Variants in LOC128462377 observed in about 807,000 individuals in gnomAD.
chr16:89,340,813 A>T, the LOC128462377 span, among the ~76,000 whole-genome samples: 1 of 152,238 alleles, frequency 6.6e-6, no homozygotes, highest in Non-Finnish European at 1.5e-5. Context: ...CACACAGAAA[A>T]TGTACAGGTA....
the LOC128462377 span, among the ~76,000 whole-genome samples, chr16:89,376,424 G>A: frequency 6.6e-6 from 1 of 152,308 alleles, no homozygotes; most frequent in Admixed American, 6.5e-5. Flanking sequence ...AAAAGGACAT[G>A]TGCCTGAACA....
the LOC128462377 span, among the ~76,000 whole-genome samples, chr16:89,334,140 G>GTC: frequency 0.014 from 393 of 27,416 alleles, 15 homozygotes; most frequent in African/African-American, 0.075. Context: ...GAAACCCTGT[G>GTC]TTTTAAAAAA....
the LOC128462377 span, among the ~76,000 whole-genome samples, chr16:89,331,659 C>T: frequency 8.5e-5 from 13 of 152,260 alleles, no homozygotes; most frequent in South Asian, 1.9e-3. Flanking sequence ...TCTCCTCTGT[C>T]GCCCAGGCTG....
the LOC128462377 span, among the ~76,000 whole-genome samples, chr16:89,358,556 C>T: frequency 6.6e-6 from 1 of 152,182 alleles, no homozygotes; most frequent in Non-Finnish European, 1.5e-5. Flanking sequence ...ATCAAAACAT[C>T]TCATGGACCC....
At chr16:89,410,178 G>C in the LOC128462377 span, among the ~76,000 whole-genome samples, 8 of 152,150 alleles carry the variant, frequency 5.3e-5, no homozygotes, top group Admixed American at 5.2e-4. Context: ...TTCAGCTACA[G>C]GGCAGAATTT....
At chr16:89,367,343 C>T in the LOC128462377 span, among the ~76,000 whole-genome samples, 1 of 152,242 alleles carries the variant, frequency 6.6e-6, no homozygotes, top group Non-Finnish European at 1.5e-5. Flanking sequence ...ACAGTGGCGG[C>T]GCCCAGAGCG....
chr16:89,318,147 G>T, the LOC128462377 span, among the ~76,000 whole-genome samples: 76,646 of 152,024 alleles, frequency 0.5, 20,018 homozygotes, highest in Middle Eastern at 0.67. Context: ...GACACACGGT[G>T]CGAGCGCACT....
the LOC128462377 span, among the ~76,000 whole-genome samples, chr16:89,322,941 T>C: frequency 2.4e-4 from 36 of 152,344 alleles, no homozygotes; most frequent in Non-Finnish European, 3.7e-4. Flanking sequence ...CCTCCTGGGC[T>C]CAAGCTATCC....
chr16:89,398,887 C>A, the LOC128462377 span, among the ~76,000 whole-genome samples: 1 of 152,198 alleles, frequency 6.6e-6, no homozygotes, highest in African/African-American at 2.4e-5. Context: ...GCACATGGCT[C>A]AGCTGGCTGT....
the LOC128462377 span, among the ~76,000 whole-genome samples, chr16:89,326,616 C>A: frequency 1.3e-5 from 2 of 152,220 alleles, no homozygotes; most frequent in Admixed American, 6.5e-5. Flanking sequence ...GTGGCACGCA[C>A]CTGTAATCCC....
chr16:89,323,899 G>T, the LOC128462377 span: 12 of 218,098 alleles, frequency 5.5e-5, no homozygotes, highest in Middle Eastern at 1.8e-3. Context: ...GCCAAGGCCA[G>T]GCAGGCACCA....
the LOC128462377 span, among the ~76,000 whole-genome samples, chr16:89,390,942 C>A: frequency 0.56 from 84,811 of 151,986 alleles, 23,767 homozygotes; most frequent in Middle Eastern, 0.72. Flanking sequence ...AAAATTATTG[C>A]ACCAGGCTGG....
the LOC128462377 span, chr16:89,373,073 T>G: frequency 2.0e-5 from 3 of 152,216 alleles, no homozygotes; most frequent in South Asian, 2.1e-4. Flanking sequence ...GTCGCTGTCA[T>G]AAAGAACTCT....
chr16:89,384,874 G>GTTTTTTTTTTTTTTTTTTT, the LOC128462377 span, among the ~76,000 whole-genome samples: 5 of 72,766 alleles, frequency 6.9e-5, no homozygotes, highest in African/African-American at 2.2e-4. Flanking sequence ...ATGAGAAATA[G>GTTTTTTTTTTTTTTTTTTT]TTTTCTTTTT....
At chr16:89,323,865 C>T in the LOC128462377 span, 14 of 216,666 alleles carry the variant, frequency 6.5e-5, no homozygotes, top group East Asian at 1.4e-3. Context: ...GGGTGTCCTC[C>T]GTCTCACCCC....
At chr16:89,381,354 A>AAAAAGG in the LOC128462377 span, among the ~76,000 whole-genome samples, 1 of 125,346 alleles carries the variant, frequency 8.0e-6, no homozygotes, top group African/African-American at 3.3e-5. Context: ...AAAAAAAAAA[A>AAAAAGG]GGGGTGAGAA....
At chr16:89,330,683 G>A in the LOC128462377 span, among the ~76,000 whole-genome samples, 3 of 83,174 alleles carry the variant, frequency 3.6e-5, no homozygotes, top group Non-Finnish European at 7.7e-5. Context: ...GGGCGGGGGC[G>A]GAGGAAGCTG....
the LOC128462377 span, among the ~76,000 whole-genome samples, chr16:89,406,231 G>A: frequency 6.6e-6 from 1 of 152,130 alleles, no homozygotes; most frequent in Non-Finnish European, 1.5e-5. Context: ...CTGTGAGCAA[G>A]GGGCTCTCTG....
the LOC128462377 span, among the ~76,000 whole-genome samples, chr16:89,354,243 CAAAAAAAA>C: frequency 1.1e-4 from 14 of 126,242 alleles, no homozygotes; most frequent in Admixed American, 3.2e-4. Flanking sequence ...TGCATTCAGC[CAAAAAAAA>C]AAAAAAAAAG....
Sources: allele counts gnomAD v4.1 joint callset (sites outside exome capture counted in the v4.1 genomes callset), GRCh38; gene constraint gnomAD v4.1.1; transcripts MANE v1.5.